Variants in IFT43 observed in about 807,000 individuals in gnomAD.
IFT43 encodes intraflagellar transport 43, also known as intraflagellar transport protein 43 homolog.
IFT43 carries 33 observed loss-of-function variants against 32.3 expected under a neutral mutation model. That is an observed-to-expected ratio of 1.02 (90% CI 0.77 to 1.37). The LOEUF (loss-of-function observed/expected upper bound fraction) is 1.37. IFT43 is among the 40% of genes most tolerant of loss of function. IFT43 has a pLI of 0.00. For synonymous variants in IFT43, 93 were observed against 98.2 expected (o/e 0.95, Z 0.31); for missense variants, 274 against 265.9 (o/e 1.03, Z -0.21).
At chr14:75,998,103 T>C (rs2035782004) in intron 2 of IFT43, among the ~76,000 whole-genome samples, 1 of 152,228 alleles carries the variant, frequency 6.6e-6, no homozygotes, top group African/African-American at 2.4e-5. Context: ...GTTTCTTTTT[T>C]CACATTTTCC....
chr14:76,083,662 G>T lies in IFT43; in HGVS notation c.*85G>T, dbSNP rs1484099499. The T allele has an allele frequency of 7.9e-7, 1 of 1,263,550 alleles. No homozygotes were observed. Among genetic ancestry groups the T allele is most frequent in the East Asian group, 2.3e-5 (1 of 42,712 alleles). 78.3% of individuals were successfully genotyped at this position (1,263,550 alleles called of 1,614,324 possible). A position where few individuals can be genotyped will look rare whatever the true frequency, so the allele number is the denominator to read the frequency against. On this transcript the variant is annotated 3_prime_UTR_variant, in exon 9 of 9. Coordinates refer to ENST00000314067, the MANE Select transcript of IFT43 (RefSeq NM_001102564.3). ...GTAAGCAGCTCCGAATTTTTACCTGGAATATTTTGTAATAAAAATATTTAT... is the reference window on the plus strand; with the variant it reads ...GTAAGCAGCTCCGAATTTTTACCTGTAATATTTTGTAATAAAAATATTTAT...
At position 75,985,790 on chromosome 14, in the gene IFT43, G is replaced by C. The variant is rs1375908580; in HGVS notation, c.4G>C (p.Glu2Gln). 1 of 1,614,216 alleles carries C rather than the reference G, an allele frequency of 6.2e-7. No homozygotes were observed. Among genetic ancestry groups the C allele is most frequent in the Admixed American group, 1.7e-5 (1 of 60,026 alleles). Residue 2 changes from glutamate (E) to glutamine (Q), a missense_variant, in exon 1 of 9, where the codon GAG becomes CAG. By Grantham distance (29) the Glu-to-Gln change is conservative (BLOSUM62 2). Transcript: ENST00000314067. ...GTGACGTCAGGCGGCCGCGGAGATG[G>C]AGGATTTGCTCGACTTGGACGAGGA... M[E>Q]DLLDLDEELR...
chr14:75,993,049 G>A (rs1170114881), intron 2 of IFT43, among the ~76,000 whole-genome samples: 1 of 152,050 alleles, frequency 6.6e-6, no homozygotes, highest in African/African-American at 2.4e-5. Context: ...TACTTCATAG[G>A]ATAGCTGGAA....
At chr14:76,075,337 T>A (rs2037393693) in intron 5 of IFT43, among the ~76,000 whole-genome samples, 1 of 152,218 alleles carries the variant, frequency 6.6e-6, no homozygotes, top group African/African-American at 2.4e-5. Context: ...GCTAGAGACC[T>A]GAGACGTGTT....
chr14:76,082,397 C>A, intron 6 of IFT43, 30 bp downstream of exon 6: 1 of 1,397,318 alleles, frequency 7.2e-7, no homozygotes, highest in Non-Finnish European at 1.0e-6. Context: ...ATTGGGGAGG[C>A]AAAGAACACG....
At chr14:75,991,294 G>A (rs753283334) in intron 2 of IFT43, among the ~76,000 whole-genome samples, 1 of 151,250 alleles carries the variant, frequency 6.6e-6, no homozygotes, top group Non-Finnish European at 1.5e-5. Context: ...TCTTGCCATT[G>A]CACTCCAGCC....
intron 3 of IFT43, among the ~76,000 whole-genome samples, chr14:76,033,796 CA>C (rs1352256713): frequency 6.6e-6 from 1 of 152,120 alleles, no homozygotes; most frequent in Non-Finnish European, 1.5e-5. Context: ...CATTTTCATC[CA>C]CAAAAATCAG....
chr14:76,083,088 TA>T, intron 7 of IFT43, 138 bp from the exon 8 acceptor site: 1 of 851,172 alleles, frequency 1.2e-6, no homozygotes, highest in Admixed American at 2.0e-5. Flanking sequence ...TTCATGATTT[TA>T]CTCTCTTGTG....
chr14:76,026,552 C>CAAAAAAAAAAAAAAAAA (rs58799745), intron 3 of IFT43, among the ~76,000 whole-genome samples: 1 of 84,460 alleles, frequency 1.2e-5, no homozygotes, highest in African/African-American at 4.1e-5. Flanking sequence ...GAGTGAAACT[C>CAAAAAAAAAAAAAAAAA]AAAAAAAAAA....
intron 3 of IFT43, 188 bp downstream of exon 3, chr14:76,022,582 C>T (rs1386754076): frequency 2.7e-5 from 12 of 448,660 alleles, no homozygotes; most frequent in Admixed American, 7.9e-5. Context: ...ACCATTAACA[C>T]AATCAATTTT....
chr14:76,068,217 G>A (rs184933090), intron 5 of IFT43, among the ~76,000 whole-genome samples: 2 of 152,326 alleles, frequency 1.3e-5, no homozygotes, highest in African/African-American at 4.8e-5. Flanking sequence ...GGTCCTGAAG[G>A]ATGGATAAGA....
At chr14:75,986,325 G>T in intron 1 of IFT43, 1 of 1,223,506 alleles carries the variant, frequency 8.2e-7, no homozygotes, top group Non-Finnish European at 1.0e-6. Flanking sequence ...CCCGTGGGGA[G>T]GTGGGAGTTA....
chr14:76,059,633 C>G, intron 5 of IFT43: 1 of 493,954 alleles, frequency 2.0e-6, no homozygotes, highest in Non-Finnish European at 3.7e-6. Context: ...ATCTTCCCTT[C>G]CCATCCCACT....
intron 2 of IFT43, among the ~76,000 whole-genome samples, chr14:76,005,475 C>T (rs1486888253): frequency 6.6e-6 from 1 of 152,228 alleles, no homozygotes; most frequent in Non-Finnish European, 1.5e-5. Context: ...AATTTCATCT[C>T]TACTCAGCTT....
intron 7 of IFT43, 63 bp downstream of exon 7, chr14:76,082,755 A>G: frequency 8.2e-7 from 1 of 1,226,338 alleles, no homozygotes; most frequent in Non-Finnish European, 1.2e-6. Flanking sequence ...ATCCGTAGAG[A>G]TTTCTCAGTT....
At chr14:76,063,221 A>G (rs1594856823) in intron 5 of IFT43, among the ~76,000 whole-genome samples, 1 of 152,320 alleles carries the variant, frequency 6.6e-6, no homozygotes, top group East Asian at 1.9e-4. Flanking sequence ...AATGCAGTCT[A>G]TGGCCATACC....
intron 2 of IFT43, among the ~76,000 whole-genome samples, chr14:76,001,072 C>A (rs754487173): frequency 2.6e-5 from 4 of 152,106 alleles, no homozygotes; most frequent in Non-Finnish European, 5.9e-5. Context: ...CCTTTTTTGA[C>A]ACATAGACCC....
intron 3 of IFT43, among the ~76,000 whole-genome samples, chr14:76,045,358 T>A (rs989146885): frequency 1.3e-5 from 2 of 152,226 alleles, no homozygotes; most frequent in Non-Finnish European, 2.9e-5. Context: ...TCTGAAACCA[T>A]ATATGAAGGT....
intron 3 of IFT43, among the ~76,000 whole-genome samples, chr14:76,035,453 TTCTCTCTC>T (rs1171727219): frequency 6.6e-6 from 1 of 151,952 alleles, no homozygotes; most frequent in East Asian, 1.9e-4. Flanking sequence ...CCTTCTCTCT[TTCTCTCTC>T]TCTCTTTTTT....
Sources: allele counts gnomAD v4.1 joint callset (sites outside exome capture counted in the v4.1 genomes callset), GRCh38; gene constraint gnomAD v4.1.1; transcripts MANE v1.5; gene names NCBI Gene and HGNC (gene_info 2026-07-23, HGNC 2026-07-21).